Variants in MRPS6 observed in about 807,000 individuals in gnomAD.
MRPS6 encodes small ribosomal subunit protein bS6m.
A neutral mutation model predicts 13.1 loss-of-function variants in MRPS6; 6 were observed. The observed-to-expected ratio is 0.46, with a 90% CI of 0.25 to 0.91. The LOEUF (loss-of-function observed/expected upper bound fraction) is 0.91, where lower values mean the gene tolerates loss of function less well. Ranked by LOEUF, MRPS6 falls within the 40% of genes least tolerant of loss-of-function variation. The pLI is 0.18. For synonymous variants in MRPS6, 61 were observed against 56.5 expected (o/e 1.08, Z -0.36); for missense variants, 164 against 155.6 (o/e 1.05, Z -0.29).
intron 1 of MRPS6, among the ~76,000 whole-genome samples, chr21:34,115,061 C>T (rs530935715): frequency 3.9e-5 from 6 of 152,284 alleles, no homozygotes; most frequent in African/African-American, 1.4e-4. Context: ...CCTCAGTCAT[C>T]TGCTTTTTAC....
chr21:34,106,142 T>G, intron 1 of MRPS6: 1 of 994,502 alleles, frequency 1.0e-6, no homozygotes, highest in Non-Finnish European at 1.2e-6. Context: ...TAAGATGAAC[T>G]ACATTTCTTG....
chr21:34,100,752 G>C (rs935933729), intron 1 of MRPS6: 1 of 999,992 alleles, frequency 1.0e-6, no homozygotes. Context: ...GTCTGTATTC[G>C]CAGTCCATGG....
At chr21:34,097,278 G>C in intron 1 of MRPS6, 2 of 1,613,750 alleles carry the variant, frequency 1.2e-6, no homozygotes, top group Non-Finnish European at 1.7e-6. Context: ...GACTCGGCAA[G>C]TTAAAGTAAT....
chr21:34,099,091 C>T (rs1262718353), intron 1 of MRPS6: 1 of 999,422 alleles, frequency 1.0e-6, no homozygotes, highest in Middle Eastern at 5.2e-4. Flanking sequence ...ATAGTGTCTT[C>T]CCATGATCAG....
intron 2 of MRPS6, among the ~76,000 whole-genome samples, chr21:34,132,470 AG>A (rs1473389986): frequency 6.6e-6 from 1 of 152,252 alleles, no homozygotes; most frequent in East Asian, 1.9e-4. Context: ...GCCTGGTGGC[AG>A]GAAGTCAGAG....
rs557665651 is a variant in MRPS6 at position 34,129,168 on chromosome 21, C to T, written c.185+3688C>T. Among the ~76,000 whole-genome samples, 25 of 152,188 alleles carry T rather than the reference C, an allele frequency of 1.6e-4. 1 individual carries two copies. Among genetic ancestry groups the T allele is most frequent in the African/African-American group, 5.1e-4 (21 of 41,522 alleles). On this transcript the variant is annotated intron_variant, in intron 2 of 2. Coordinates refer to ENST00000399312, the MANE Select transcript of MRPS6 (RefSeq NM_032476.4). ...ATGACAGGAGAGGCTCATTTAGACC[C>T]GTGCTATAAAGGGGCAGGCATCTTA...
intron 2 of MRPS6, among the ~76,000 whole-genome samples, chr21:34,127,308 G>T (rs143829756): frequency 6.6e-6 from 1 of 152,160 alleles, no homozygotes. Flanking sequence ...GTATTTATTT[G>T]TTAAAGGTAA....
At chr21:34,081,190 C>T (rs1012982191) in intron 1 of MRPS6, among the ~76,000 whole-genome samples, 6 of 152,054 alleles carry the variant, frequency 3.9e-5, no homozygotes, top group African/African-American at 1.2e-4. Context: ...AAACTTTCCA[C>T]TTTAATGAAG....
chr21:34,098,912 T>A (rs1295383736), intron 1 of MRPS6: 2 of 994,632 alleles, frequency 2.0e-6, no homozygotes, highest in African/African-American at 3.5e-5. Context: ...TGATACTTTT[T>A]AGATTGCATG....
intron 1 of MRPS6, among the ~76,000 whole-genome samples, chr21:34,108,901 C>T (rs16991225): frequency 0.012 from 1,755 of 152,276 alleles, 39 homozygotes; most frequent in South Asian, 0.081. Flanking sequence ...AGTATGGCAG[C>T]TCCGTGCTGG....
intron 2 of MRPS6, among the ~76,000 whole-genome samples, chr21:34,141,571 G>A (rs1181352111): frequency 3.3e-5 from 5 of 152,192 alleles, no homozygotes; most frequent in Admixed American, 6.5e-5. Flanking sequence ...AAGCGATGAC[G>A]AAAATTTCAT....
intron 1 of MRPS6, among the ~76,000 whole-genome samples, chr21:34,112,243 A>G (rs1979730687): frequency 6.6e-6 from 1 of 152,284 alleles, no homozygotes; most frequent in Non-Finnish European, 1.5e-5. Flanking sequence ...TTGAACGTGT[A>G]TTGTAAGCCA....
At chr21:34,090,137 C>A (rs1479978167) in intron 1 of MRPS6, among the ~76,000 whole-genome samples, 3 of 152,220 alleles carry the variant, frequency 2.0e-5, no homozygotes, top group Admixed American at 6.5e-5. Flanking sequence ...GATACTTAAT[C>A]TGTAGTGTTG....
At chr21:34,135,675 G>A (rs772521616) in intron 2 of MRPS6, 57 of 380,632 alleles carry the variant, frequency 1.5e-4, no homozygotes, top group Non-Finnish European at 3.2e-5. Context: ...AGCCTGTGGA[G>A]TCCTCCTGGG....
intron 1 of MRPS6, among the ~76,000 whole-genome samples, chr21:34,119,469 G>T (rs1980045567): frequency 6.6e-6 from 1 of 152,206 alleles, no homozygotes; most frequent in Admixed American, 6.5e-5. Flanking sequence ...AGCAAAGAAT[G>T]GGAAAGACTT....
intron 2 of MRPS6, chr21:34,135,947 G>T: frequency 2.4e-6 from 1 of 414,566 alleles, no homozygotes; most frequent in South Asian, 2.8e-5. Context: ...GAATCCTGCA[G>T]GGAAATGTCA....
chr21:34,082,467 G>A (rs1782996), intron 1 of MRPS6, among the ~76,000 whole-genome samples: 137,342 of 152,216 alleles, frequency 0.9, 63,634 homozygotes, highest in East Asian at 1. Context: ...GTTTGTACCC[G>A]TTGTATTAAC....
intron 1 of MRPS6, among the ~76,000 whole-genome samples, chr21:34,091,745 A>G (rs532948043): frequency 6.6e-6 from 1 of 152,262 alleles, no homozygotes; most frequent in South Asian, 2.1e-4. Flanking sequence ...GAAGAAGGGG[A>G]ATCTGCTCTG....
chr21:34,080,403 T>C (rs1989432316), intron 1 of MRPS6, among the ~76,000 whole-genome samples: 1 of 152,178 alleles, frequency 6.6e-6, no homozygotes, highest in Non-Finnish European at 1.5e-5. Flanking sequence ...GTAAACAAAG[T>C]TGTGCAGATT....
Sources: gnomAD v4.1 joint callset for allele counts (sites outside exome capture counted in the v4.1 genomes callset) on GRCh38, gnomAD v4.1.1 for gene constraint, MANE v1.5 for transcripts, NCBI Gene and HGNC (gene_info 2026-07-23, HGNC 2026-07-21) for gene names.